The following ANTXRL variants were observed in gnomAD, a reference collection of about 807,000 sequenced individuals.
The protein encoded by ANTXRL is anthrax toxin receptor-like.
In ANTXRL, 63 loss-of-function variants were observed where a neutral mutation model predicts 75.4. The ratio of observed to expected loss-of-function variants is 0.84; its 90% CI spans 0.68 to 1.03. ANTXRL has a LOEUF of 1.03. Among genes scored for constraint, ANTXRL ranks in the 50% least tolerant of loss-of-function variants. The pLI, the probability that ANTXRL is intolerant of heterozygous loss-of-function variation, is 0.00. For missense variants in ANTXRL, 797 were observed against 789.4 expected, an observed-to-expected ratio of 1.01 and a Z score of -0.12; for synonymous variants, 335 against 291.3, an observed-to-expected ratio of 1.15 and a Z score of -1.53.
At chr10:46,326,092 GT>G (rs111489384) in intron 16 of ANTXRL, among the ~76,000 whole-genome samples, 26,647 of 141,682 alleles carry the variant, frequency 0.19, 1,956 homozygotes, top group Middle Eastern at 0.22. Flanking sequence ...AGGCATCTGG[GT>G]TTTTTTTTTT....
chr10:46,297,838 C>T lies in ANTXRL; in HGVS notation c.662C>T (p.Ala221Val), dbSNP rs782668100. 9.1e-6 allele frequency: 14 copies of T among 1,535,742 alleles called. No individual in the cohort carries two copies. The highest frequency in any genetic ancestry group is 1.2e-5 in the Non-Finnish European group (14 of 1,146,720). ...VADYNLDQIT[A>V]IADSPGHVFA... is the part of the protein sequence containing the mutation. ...CAGCTCTGCTCTCTGTAGATAACAGCAATTGCAGACAGCCCTGGCCACGTG... is the reference window on the plus strand; with the variant it reads ...CAGCTCTGCTCTCTGTAGATAACAGTAATTGCAGACAGCCCTGGCCACGTG... Residue 221 changes from alanine to valine, a missense_variant, in exon 8 of 17, where the codon GCA becomes GTA. Physicochemically the swap from Ala to Val is moderately conservative, Grantham distance 64. This residue lies in a region of ANTXRL where 56 missense variants were observed against 95.5 expected (regional missense o/e 0.59). Coordinates refer to ENST00000620264, the MANE Select transcript of ANTXRL (RefSeq NM_001278688.3).
chr10:46,309,511 C>T (rs1234679005), intron 13 of ANTXRL, among the ~76,000 whole-genome samples: 2 of 152,202 alleles, frequency 1.3e-5, no homozygotes, highest in Non-Finnish European at 2.9e-5. Context: ...ACCAGGGCTG[C>T]CTCAACAATC....
intron 2 of ANTXRL, among the ~76,000 whole-genome samples, chr10:46,293,394 G>A (rs1418533332): frequency 2.0e-5 from 3 of 146,986 alleles, no homozygotes; most frequent in African/African-American, 7.5e-5. Context: ...GTGTGCCTGT[G>A]TGTGTGAGTG....
chr10:46,304,447 T>TATC (rs781903876), intron 10 of ANTXRL, among the ~76,000 whole-genome samples: 2 of 152,092 alleles, frequency 1.3e-5, no homozygotes, highest in Non-Finnish European at 2.9e-5. Context: ...AAAGATCAGT[T>TATC]ACAAGGGTGA....
chr10:46,299,448 G>C (rs1425605936), intron 9 of ANTXRL, among the ~76,000 whole-genome samples: 1 of 152,138 alleles, frequency 6.6e-6, no homozygotes, highest in East Asian at 1.9e-4. Flanking sequence ...TGTCTGTCCT[G>C]AGCTCTTTCT....
At chr10:46,328,703 T>C (rs1839346064) in intron 16 of ANTXRL, among the ~76,000 whole-genome samples, 1 of 151,858 alleles carries the variant, frequency 6.6e-6, no homozygotes, top group Admixed American at 6.6e-5. Context: ...TGTGCCGTGG[T>C]GGTTTGTTGC....
At chr10:46,329,193 C>T (rs1554967007) in intron 16 of ANTXRL, among the ~76,000 whole-genome samples, 1 of 152,188 alleles carries the variant, frequency 6.6e-6, no homozygotes, top group African/African-American at 2.4e-5. Context: ...GCTCATCACC[C>T]ACCCAAGGGT....
intron 1 of ANTXRL, among the ~76,000 whole-genome samples, chr10:46,290,578 C>T (rs1392211372): frequency 2.6e-5 from 4 of 152,178 alleles, no homozygotes; most frequent in Non-Finnish European, 1.5e-5. Context: ...TTCCCACCAA[C>T]AAAAGCCCAA....
intron 10 of ANTXRL, among the ~76,000 whole-genome samples, chr10:46,303,722 A>C (rs1837896737): frequency 6.6e-6 from 1 of 152,054 alleles, no homozygotes; most frequent in Admixed American, 6.5e-5. Context: ...ATTTGGCAAT[A>C]GTTAGGCATC....
At chr10:46,302,658 G>C in intron 9 of ANTXRL, 64 bp from the exon 10 acceptor site, 5 of 1,202,048 alleles carry the variant, frequency 4.2e-6, no homozygotes, top group Non-Finnish European at 5.9e-6. Flanking sequence ...CAGGAATAGG[G>C]AGGTCAGAGG....
In ANTXRL at chr10:46,296,232, T is replaced by C; in HGVS notation, c.488T>C (p.Ile163Thr). 1 of 1,535,750 alleles carries C rather than the reference T, an allele frequency of 6.5e-7. No homozygotes were observed. ...QAGFRKAIQQ[I>T]ESFNSGNKVP... is the part of the protein sequence containing the mutation. Reference sequence around the variant, plus strand: ...ATTTTCTTGCAGGCAATTCAACAGATCGAAAGTTTCAACTCCGGAAGTAAG... The same window carrying C: ...ATTTTCTTGCAGGCAATTCAACAGACCGAAAGTTTCAACTCCGGAAGTAAG... The change falls in exon 5 of 17, where the codon ATC becomes ACC. Residue 163 changes from isoleucine (I) to threonine (T), a missense_variant. By Grantham distance (89) the Ile-to-Thr change is moderately conservative. Coordinates refer to ENST00000620264, the MANE Select transcript of ANTXRL (RefSeq NM_001278688.3).
intron 3 of ANTXRL, among the ~76,000 whole-genome samples, chr10:46,294,530 G>A (rs542560564): frequency 2.6e-5 from 4 of 152,240 alleles, no homozygotes; most frequent in African/African-American, 7.2e-5. Context: ...GCACATGCCC[G>A]GAACTGGGCC....
chr10:46,329,566 A>C (rs1554967084), intron 16 of ANTXRL, 33 bp from the exon 17 acceptor site: 7 of 1,526,186 alleles, frequency 4.6e-6, no homozygotes, highest in Middle Eastern at 3.4e-4. Context: ...GAATGCCATC[A>C]CGGTGACCTT....
At chr10:46,315,903 T>A (rs150485763) in intron 16 of ANTXRL, among the ~76,000 whole-genome samples, 1 of 152,076 alleles carries the variant, frequency 6.6e-6, no homozygotes, top group South Asian at 2.1e-4. Flanking sequence ...TTAAATTGAG[T>A]GTGTCTCCCT....
At chr10:46,315,418 A>G (rs555744439) in intron 16 of ANTXRL, among the ~76,000 whole-genome samples, 68 of 152,262 alleles carry the variant, frequency 4.5e-4, no homozygotes, top group African/African-American at 1.6e-3. Context: ...TGGAGGCATC[A>G]GTGAGACGTC....
Position 46,307,488 on chromosome 10 carries a change from C to A in ANTXRL, c.1044+8C>A. ...ATCACCAGCACCACATGTGTGAGTA[C>A]CAGCATGGGGCTGCAAACATGTATG... On this transcript the variant is annotated splice_region_variant and intron_variant, in intron 12 of 16. Coordinates refer to ENST00000620264, the MANE Select transcript of ANTXRL (RefSeq NM_001278688.3). The A allele has an allele frequency of 6.5e-7, 1 of 1,535,184 alleles. No homozygotes were observed. Among genetic ancestry groups the A allele is most frequent in the South Asian group, 1.2e-5 (1 of 84,026 alleles).
rs182288485 is a variant in ANTXRL, at chr10:46,290,334, G to A, written c.249-1724G>A. 1.1e-3 allele frequency among the ~76,000 whole-genome samples: 167 copies of A among 152,222 alleles called. 3 individuals carry two copies. The highest frequency in any genetic ancestry group is 3.9e-3 in the African/African-American group (163 of 41,538). On this transcript the variant is annotated intron_variant, in intron 1 of 16. Transcript: ENST00000620264. ...TGGGATTCCAAGCGTGAGCCACCTC[G>A]CCCGGCCTGTTTATCTTTTCGTCTG...
At chr10:46,328,614 T>C (rs1186510289) in intron 16 of ANTXRL, among the ~76,000 whole-genome samples, 2 of 152,080 alleles carry the variant, frequency 1.3e-5, no homozygotes, top group East Asian at 1.9e-4. Flanking sequence ...ACTGAGCACA[T>C]TGCCTCTCTC....
intron 16 of ANTXRL, 109 bp from the exon 17 acceptor site, chr10:46,329,490 T>C: frequency 7.2e-7 from 1 of 1,387,488 alleles, no homozygotes; most frequent in Non-Finnish European, 9.6e-7. Flanking sequence ...GCCCACCCTG[T>C]GGGTCCCGAT....
Sources: allele counts gnomAD v4.1 joint callset (sites outside exome capture counted in the v4.1 genomes callset), GRCh38; gene constraint gnomAD v4.1.1; regional missense constraint gnomAD v4.1.1; transcripts MANE v1.5; gene names NCBI Gene and HGNC (gene_info 2026-07-23, HGNC 2026-07-21).